Variants in CNTNAP2 observed in about 807,000 individuals in gnomAD.
CNTNAP2 encodes contactin associated protein 2, also known as contactin-associated protein-like 2.
A neutral mutation model predicts 155.2 loss-of-function variants in CNTNAP2; 98 were observed. That is an observed-to-expected ratio of 0.63 (90% CI 0.54 to 0.75). The LOEUF is 0.75. Ranked by LOEUF, CNTNAP2 falls within the 30% of genes least tolerant of loss-of-function variation. The pLI is 0.00. For synonymous variants in CNTNAP2, 651 were observed against 631.2 expected, an observed-to-expected ratio of 1.03 and a Z score of -0.47; for missense variants, 1,727 against 1,688.1, an observed-to-expected ratio of 1.02 and a Z score of -0.40.
chr7:146,308,258 CAAATCA>C lies in CNTNAP2; in HGVS notation c.97+191289_97+191294del, dbSNP rs764764597. Reference sequence around the variant, plus strand: ...ATCATCACTGGCCATCAGAGAAATGCAAATCAAAAACACAATGAGATACCATCTCAC... The same window carrying C: ...ATCATCACTGGCCATCAGAGAAATGCAAAACACAATGAGATACCATCTCAC... On this transcript the variant is annotated intron_variant, in intron 1 of 23. Coordinates refer to ENST00000361727, the MANE Select transcript of CNTNAP2 (RefSeq NM_014141.6). Among the ~76,000 whole-genome samples the C allele has an allele frequency of 1.6e-3, 238 of 152,232 alleles. 1 individual carries two copies. Among genetic ancestry groups the C allele is most frequent in the Middle Eastern group, 3.4e-3 (1 of 294 alleles).
At chr7:147,982,617 T>C (rs1801550492) in intron 15 of CNTNAP2, among the ~76,000 whole-genome samples, 4 of 152,238 alleles carry the variant, frequency 2.6e-5, no homozygotes, top group Admixed American at 2.6e-4. Context: ...GGTGAATATT[T>C]GTTCTTTGGG....
In CNTNAP2 at chr7:146,235,131, A is replaced by C. The variant is rs73455866; in HGVS notation, c.97+118158A>C. Among the ~76,000 whole-genome samples, 1,383 of 152,308 alleles carry C rather than the reference A, an allele frequency of 9.1e-3. 24 individuals are homozygous for C. The highest frequency in any genetic ancestry group is 0.03 in the African/African-American group (1,237 of 41,562). On this transcript the variant is annotated intron_variant, in intron 1 of 23. Transcript: ENST00000361727. ...AATGAAATGGCTGTACATAGAAAAT[A>C]CATCTTAAGATATCAGAGATAAAAG...
chr7:148,259,380 A>G (rs1796516076), intron 20 of CNTNAP2, among the ~76,000 whole-genome samples: 2 of 151,584 alleles, frequency 1.3e-5, no homozygotes, highest in African/African-American at 2.4e-5. Flanking sequence ...GAAACTCCTT[A>G]GTCATACACC....
intron 1 of CNTNAP2, among the ~76,000 whole-genome samples, chr7:146,200,809 A>G (rs1012622964): frequency 6.6e-6 from 1 of 152,164 alleles, no homozygotes; most frequent in Non-Finnish European, 1.5e-5. Flanking sequence ...TAAGTAACAC[A>G]TGACTCTGTA....
chr7:147,400,502 A>T (rs1288116800), intron 10 of CNTNAP2, among the ~76,000 whole-genome samples: 1 of 152,158 alleles, frequency 6.6e-6, no homozygotes, highest in Non-Finnish European at 1.5e-5. Flanking sequence ...AGTGGTGATC[A>T]TGCTTGGTTT....
At chr7:147,102,404 A>G (rs1800675941) in intron 4 of CNTNAP2, among the ~76,000 whole-genome samples, 1 of 152,096 alleles carries the variant, frequency 6.6e-6, no homozygotes, top group Non-Finnish European at 1.5e-5. Flanking sequence ...GTAGAGTGAG[A>G]TGTGCCTGTG....
intron 2 of CNTNAP2, among the ~76,000 whole-genome samples, chr7:146,795,797 C>T (rs1210911312): frequency 6.6e-6 from 1 of 152,128 alleles, no homozygotes; most frequent in South Asian, 2.1e-4. Flanking sequence ...GATAGGAAGA[C>T]ATCCCAGAAA....
chr7:146,619,308 A>G (rs890909788), intron 1 of CNTNAP2, among the ~76,000 whole-genome samples: 10 of 152,128 alleles, frequency 6.6e-5, no homozygotes, highest in African/African-American at 2.4e-4. Context: ...AAGACACTAC[A>G]TGAAGAAAAA....
At position 147,724,353 on chromosome 7, in the gene CNTNAP2, T is replaced by C. The variant is rs544944672; in HGVS notation, c.2098+85047T>C. Among the ~76,000 whole-genome samples the C allele has an allele frequency of 9.2e-5, 14 of 152,182 alleles. No individual in the cohort carries two copies. The South Asian group carries it at 2.9e-3, about 32-fold the overall frequency. ...AATCCTGAGCCGGAATTAAATGAAA[T>C]GAGTGTTAAACTGTGATCTGGTAAA... On this transcript the variant is annotated intron_variant, in intron 13 of 23. Coordinates refer to ENST00000361727, the MANE Select transcript of CNTNAP2 (RefSeq NM_014141.6).
chr7:146,260,750 A>G (rs1224817088), intron 1 of CNTNAP2, among the ~76,000 whole-genome samples: 1 of 152,214 alleles, frequency 6.6e-6, no homozygotes, highest in Non-Finnish European at 1.5e-5. Context: ...TATAGAAGGA[A>G]GGGACTTACC....
intron 4 of CNTNAP2, chr7:147,083,319 C>T (rs1248613683): frequency 6.6e-6 from 1 of 151,806 alleles, no homozygotes; most frequent in African/African-American, 2.4e-5. Context: ...GTTTCGAGAG[C>T]CTTCAAAAGT....
At chr7:147,766,642 T>C (rs1414503151) in intron 13 of CNTNAP2, among the ~76,000 whole-genome samples, 1 of 152,124 alleles carries the variant, frequency 6.6e-6, no homozygotes, top group Non-Finnish European at 1.5e-5. Context: ...TCCTGAACTT[T>C]TCAAGTACTT....
intron 18 of CNTNAP2, among the ~76,000 whole-genome samples, chr7:148,189,032 G>C (rs1203336843): frequency 6.6e-6 from 1 of 152,116 alleles, no homozygotes; most frequent in African/African-American, 2.4e-5. Flanking sequence ...ATTGAGGATG[G>C]ATTGCCAGAT....
intron 12 of CNTNAP2, among the ~76,000 whole-genome samples, chr7:147,634,401 A>T (rs1195105337): frequency 6.6e-6 from 1 of 152,200 alleles, no homozygotes; most frequent in African/African-American, 2.4e-5. Flanking sequence ...GAGCTAATCT[A>T]TGAAGACATA....
chr7:148,249,406 T>C (rs1796328059), intron 20 of CNTNAP2, among the ~76,000 whole-genome samples: 2 of 152,162 alleles, frequency 1.3e-5, no homozygotes, highest in South Asian at 2.1e-4. Flanking sequence ...CTGACCTCCT[T>C]CAGTGGGCGT....
intron 9 of CNTNAP2, among the ~76,000 whole-genome samples, chr7:147,394,443 G>T (rs922993766): frequency 8.6e-5 from 13 of 151,704 alleles, no homozygotes; most frequent in African/African-American, 3.1e-4. Flanking sequence ...TATATAAATT[G>T]TTTGTTGTTA....
At chr7:146,961,350 G>A (rs1035952338) in intron 3 of CNTNAP2, among the ~76,000 whole-genome samples, 2 of 152,152 alleles carry the variant, frequency 1.3e-5, no homozygotes, top group South Asian at 2.1e-4. Context: ...CCTAAATAAC[G>A]CTGGTCAGGG....
chr7:147,435,282 G>A (rs1338303950), intron 10 of CNTNAP2, among the ~76,000 whole-genome samples: 4 of 152,106 alleles, frequency 2.6e-5, no homozygotes, highest in African/African-American at 9.7e-5. Flanking sequence ...GATAATAACT[G>A]CACGAGAGCC....
intron 1 of CNTNAP2, among the ~76,000 whole-genome samples, chr7:146,273,794 C>T (rs2129083769): frequency 6.6e-6 from 1 of 152,254 alleles, no homozygotes; most frequent in East Asian, 1.9e-4. Context: ...TGGCCGGTTA[C>T]TTAAAACCTC....
Sources: gnomAD v4.1 joint callset for allele counts (sites outside exome capture counted in the v4.1 genomes callset) on GRCh38, gnomAD v4.1.1 for gene constraint, MANE v1.5 for transcripts, NCBI Gene and HGNC (gene_info 2026-07-23, HGNC 2026-07-21) for gene names.